The following TMEM178B variants were observed in gnomAD, a reference collection of about 807,000 sequenced individuals.
TMEM178B encodes the protein transmembrane protein 178B.
Under a neutral mutation model 31.0 loss-of-function variants are expected in TMEM178B, and 5 were observed. The observed-to-expected ratio is 0.16, with a 90% CI of 0.08 to 0.34. The LOEUF (loss-of-function observed/expected upper bound fraction) is 0.34. Ranked by LOEUF, TMEM178B falls within the 10% of genes least tolerant of loss-of-function variation. TMEM178B has a pLI of 1.00. For missense variants in TMEM178B, 275 were observed against 400.3 expected (o/e 0.69, Z 2.67); for synonymous variants, 164 against 164.0 (o/e 1.00, Z 0.00).
rs1003535733 is a variant in TMEM178B, at chr7:141,341,294, T to C, written c.497-96314T>C. On this transcript the variant is annotated intron_variant, in intron 2 of 3. Coordinates refer to ENST00000565468, the MANE Select transcript of TMEM178B (RefSeq NM_001195278.2). The stretch of plus-strand genomic sequence containing the variant: ...CAAAATGAGATTTTCTTTTCCTCTC[T>C]CCACACTGTGCTACTTTAACTTAGT... 9.9e-5 allele frequency among the ~76,000 whole-genome samples: 15 copies of C among 152,184 alleles called. 1 individual carries two copies. The highest frequency in any genetic ancestry group is 7.2e-4 in the Admixed American group (11 of 15,274).
At chr7:141,416,566 A>C (rs770992605) in intron 2 of TMEM178B, among the ~76,000 whole-genome samples, 7 of 152,258 alleles carry the variant, frequency 4.6e-5, no homozygotes, top group Non-Finnish European at 1.0e-4. Context: ...CGATCCATTT[A>C]GTTTTATTCC....
intron 2 of TMEM178B, among the ~76,000 whole-genome samples, chr7:141,255,127 T>A (rs1330850389): frequency 3.9e-5 from 6 of 152,146 alleles, no homozygotes; most frequent in African/African-American, 1.4e-4. Context: ...ACACACAGTT[T>A]TCAGGAGCAT....
chr7:141,162,714 G>A (rs1484750645), intron 1 of TMEM178B, among the ~76,000 whole-genome samples: 2 of 152,184 alleles, frequency 1.3e-5, no homozygotes, highest in African/African-American at 4.8e-5. Context: ...GGTATAAATG[G>A]TTTTTAAATC....
In TMEM178B at chr7:141,108,887, G is replaced by GT. The variant is rs560163081; in HGVS notation, c.382+34198dup. 1.8e-3 allele frequency among the ~76,000 whole-genome samples: 267 copies of GT among 152,312 alleles called. 1 individual carries two copies. The highest frequency in any genetic ancestry group is 3.1e-3 in the Non-Finnish European group (209 of 68,028). On this transcript the variant is annotated intron_variant, in intron 1 of 3. Transcript: ENST00000565468. Reference sequence around the variant, plus strand: ...ACTTGGCAATTTACAAAGGAAAGAGGTTTAATGGACTTAAAGTTCCACGTG... The same window carrying GT: ...ACTTGGCAATTTACAAAGGAAAGAGGTTTTAATGGACTTAAAGTTCCACGTG...
At chr7:141,351,868 T>A (rs981514749) in intron 2 of TMEM178B, 1 of 152,232 alleles carries the variant, frequency 6.6e-6, no homozygotes, top group African/African-American at 2.4e-5. Flanking sequence ...AAGATGCTCC[T>A]GCAAACAGAA....
chr7:141,480,109 G>A lies in TMEM178B; in HGVS notation c.*9323G>A, dbSNP rs1024473425. 1.3e-5 allele frequency: 2 copies of A among 151,980 alleles called. No homozygotes were observed. Among genetic ancestry groups the A allele is most frequent in the African/African-American group, 2.4e-5 (1 of 41,254 alleles). 9.4% of individuals were successfully genotyped at this position (151,980 alleles called of 1,614,324 possible). On this transcript the variant is annotated 3_prime_UTR_variant, in exon 4 of 4. Coordinates refer to ENST00000565468, the MANE Select transcript of TMEM178B (RefSeq NM_001195278.2). Reference sequence around the variant, plus strand: ...AGAGGTAAATTTAACAGGGAAGTGGGAGGGGGGATGAAAAGGGAAATTGCC... The same window carrying A: ...AGAGGTAAATTTAACAGGGAAGTGGAAGGGGGGATGAAAAGGGAAATTGCC...
At chr7:141,133,845 T>G (rs576432731) in intron 1 of TMEM178B, among the ~76,000 whole-genome samples, 35 of 152,268 alleles carry the variant, frequency 2.3e-4, no homozygotes, top group Non-Finnish European at 5.9e-5. Context: ...AGGAAAGTAT[T>G]AAGTTACATG....
At chr7:141,453,280 C>CTCA (rs772117613) in intron 3 of TMEM178B, among the ~76,000 whole-genome samples, 1 of 152,208 alleles carries the variant, frequency 6.6e-6, no homozygotes, top group Non-Finnish European at 1.5e-5. Flanking sequence ...TGTTATTTTG[C>CTCA]TCATCTTTAT....
intron 2 of TMEM178B, among the ~76,000 whole-genome samples, chr7:141,221,861 T>C (rs1364831013): frequency 6.6e-6 from 1 of 152,198 alleles, no homozygotes; most frequent in Non-Finnish European, 1.5e-5. Context: ...CCAGATGGGG[T>C]CGATTGCCTG....
intron 2 of TMEM178B, among the ~76,000 whole-genome samples, chr7:141,304,765 C>G (rs1484779527): frequency 2.0e-5 from 3 of 152,194 alleles, no homozygotes; most frequent in Non-Finnish European, 4.4e-5. Context: ...TGGCACAATT[C>G]TCTAGCCACC....
intron 2 of TMEM178B, among the ~76,000 whole-genome samples, chr7:141,215,478 A>G (rs1025594367): frequency 2.6e-5 from 4 of 152,014 alleles, no homozygotes; most frequent in Non-Finnish European, 4.4e-5. Context: ...GGCGTGTGCC[A>G]CCATGCCCAG....
the TMEM178B span, among the ~76,000 whole-genome samples, chr7:141,497,761 G>A: frequency 1.3e-5 from 2 of 152,122 alleles, no homozygotes; most frequent in Non-Finnish European, 2.9e-5. Context: ...TAGAAACTGC[G>A]GCATGATATT....
intron 1 of TMEM178B, among the ~76,000 whole-genome samples, chr7:141,121,535 G>A (rs553516108): frequency 4.6e-4 from 70 of 151,994 alleles, no homozygotes; most frequent in Non-Finnish European, 8.8e-4. Context: ...TTTTTTCTTA[G>A]TTTATTTCTT....
intron 2 of TMEM178B, among the ~76,000 whole-genome samples, chr7:141,261,078 C>A (rs1361721509): frequency 6.6e-6 from 1 of 152,164 alleles, no homozygotes; most frequent in Non-Finnish European, 1.5e-5. Flanking sequence ...ATTCTCAATG[C>A]AGTATATTTC....
At chr7:141,317,004 A>G (rs946284886) in intron 2 of TMEM178B, among the ~76,000 whole-genome samples, 1 of 152,216 alleles carries the variant, frequency 6.6e-6, no homozygotes, top group African/African-American at 2.4e-5. Context: ...TTGGTGCTGG[A>G]TATCCTTGTT....
chr7:141,471,778 G>A lies in TMEM178B; in HGVS notation c.*992G>A, dbSNP rs1459761576. 8 of 75,088 alleles carry A rather than the reference G, an allele frequency of 1.1e-4. No homozygotes were observed. The highest frequency in any genetic ancestry group is 3.9e-4 in the African/African-American group (8 of 20,410). 4.7% of individuals were successfully genotyped at this position (75,088 alleles called of 1,614,324 possible). On this transcript the variant is annotated 3_prime_UTR_variant, in exon 4 of 4. Transcript: ENST00000565468. The surrounding 1 kb of genome is among the most constrained non-coding windows in gnomAD (Gnocchi z 4.1). ...TACAGATCCCTGGAGTGGTGTGTGT[G>A]TGCGTGTGTGTGTGTGTGTGTGTGT...
At chr7:141,360,026 C>T (rs925897426) in intron 2 of TMEM178B, among the ~76,000 whole-genome samples, 10 of 152,264 alleles carry the variant, frequency 6.6e-5, no homozygotes, top group East Asian at 1.9e-4. Flanking sequence ...TATCTCCCAC[C>T]GGGTTCCTCC....
intron 2 of TMEM178B, among the ~76,000 whole-genome samples, chr7:141,394,217 C>A (rs1462896231): frequency 1.3e-5 from 2 of 152,212 alleles, no homozygotes; most frequent in African/African-American, 4.8e-5. Context: ...GGAAAGAATG[C>A]GTCACCTCCG....
At chr7:141,110,471 T>C (rs1258201688) in intron 1 of TMEM178B, among the ~76,000 whole-genome samples, 1 of 152,204 alleles carries the variant, frequency 6.6e-6, no homozygotes, top group African/African-American at 2.4e-5. Flanking sequence ...CCAATAAATA[T>C]ACACTCAAAG....
Sources: allele counts gnomAD v4.1 joint callset (sites outside exome capture counted in the v4.1 genomes callset), GRCh38; gene constraint gnomAD v4.1.1; non-coding constraint Gnocchi (gnomAD v3.1); transcripts MANE v1.5; gene names NCBI Gene and HGNC (gene_info 2026-07-23, HGNC 2026-07-21).